The following CD2AP variants were observed in gnomAD, a reference collection of about 807,000 sequenced individuals.
CD2AP encodes the protein CD2-associated protein.
Under a neutral mutation model 85.1 loss-of-function variants are expected in CD2AP, and 46 were observed. The observed-to-expected ratio is 0.54, with a 90% CI of 0.43 to 0.69. The LOEUF (loss-of-function observed/expected upper bound fraction) is 0.69. Among genes scored for constraint, CD2AP ranks in the 30% least tolerant of loss-of-function variants. CD2AP has a pLI of 0.00. For missense variants in CD2AP, 769 were observed against 729.5 expected (o/e 1.05, Z -0.62); for synonymous variants, 255 against 252.9 (o/e 1.01, Z -0.08).
At chr6:47,567,192 C>G (rs1288565593) in intron 5 of CD2AP, among the ~76,000 whole-genome samples, 1 of 150,484 alleles carries the variant, frequency 6.6e-6, no homozygotes, top group Non-Finnish European at 1.5e-5. Context: ...ATCTAATTTT[C>G]TTTTAGGTAT....
chr6:47,552,990 A>AT (rs35305333), intron 4 of CD2AP, among the ~76,000 whole-genome samples: 40,073 of 148,208 alleles, frequency 0.27, 5,450 homozygotes, highest in African/African-American at 0.33. Context: ...GGGGGGGAGC[A>AT]TTTTTTTTTT....
intron 5 of CD2AP, among the ~76,000 whole-genome samples, chr6:47,566,588 C>T (rs185841066): frequency 7.9e-5 from 12 of 152,036 alleles, no homozygotes; most frequent in Admixed American, 4.6e-4. Context: ...CTGCACCTAT[C>T]GACCCATCCT....
chr6:47,560,293 A>G (rs1474524812), intron 5 of CD2AP, among the ~76,000 whole-genome samples: 1 of 152,164 alleles, frequency 6.6e-6, no homozygotes, highest in East Asian at 1.9e-4. Flanking sequence ...TTATGTAACT[A>G]CAGTACAGTT....
intron 5 of CD2AP, among the ~76,000 whole-genome samples, chr6:47,566,459 A>C (rs1768006706): frequency 6.6e-6 from 1 of 151,848 alleles, no homozygotes; most frequent in African/African-American, 2.4e-5. Flanking sequence ...CACTTTTGTC[A>C]AGTGAAATCC....
At chr6:47,516,159 CAGT>C (rs1394513434) in intron 2 of CD2AP, among the ~76,000 whole-genome samples, 1 of 152,156 alleles carries the variant, frequency 6.6e-6, no homozygotes, top group East Asian at 1.9e-4. Context: ...ATCAAAATCT[CAGT>C]GGTGGCGTAG....
chr6:47,572,994 TGTTTCTGGATTTTTACTCTA>T (rs1164215504), intron 5 of CD2AP, among the ~76,000 whole-genome samples: 2 of 152,216 alleles, frequency 1.3e-5, no homozygotes, highest in African/African-American at 4.8e-5. Context: ...CGGTCTTAAA[TGTTTCTGGATTTTTACTCTA>T]GAACTTTGTT....
intron 4 of CD2AP, among the ~76,000 whole-genome samples, chr6:47,553,513 AT>A (rs148273065): frequency 0.16 from 17,853 of 109,860 alleles, 679 homozygotes; most frequent in African/African-American, 0.22. Context: ...CACCTAGTGA[AT>A]TTTTTTTTTT....
chr6:47,579,074 G>A (rs1002097482), intron 8 of CD2AP, among the ~76,000 whole-genome samples: 6 of 152,132 alleles, frequency 3.9e-5, no homozygotes, highest in Admixed American at 6.6e-5. Context: ...AAAGTAATAC[G>A]TGGGAAATAT....
chr6:47,556,137 G>C (rs546552127), intron 5 of CD2AP, among the ~76,000 whole-genome samples: 50 of 148,430 alleles, frequency 3.4e-4, no homozygotes, highest in Non-Finnish European at 6.2e-4. Context: ...GTATACATGT[G>C]CCATGGTGGT....
intron 3 of CD2AP, among the ~76,000 whole-genome samples, chr6:47,540,834 A>G (rs1767195562): frequency 1.3e-5 from 2 of 152,232 alleles, no homozygotes; most frequent in South Asian, 2.1e-4. Flanking sequence ...AGCACCTTGA[A>G]CAAAATAGAC....
Position 47,606,289 on chromosome 6 carries a change from T to G in CD2AP, c.1530+12T>G, listed in dbSNP as rs201842906. On this transcript the variant is annotated intron_variant, in intron 14 of 17. Transcript: ENST00000359314. ...ATGGTGGACATTCTGTGAGTTCATCTAATTGTCGTAAACTACAGTATATTT... is the reference window on the plus strand; with the variant it reads ...ATGGTGGACATTCTGTGAGTTCATCGAATTGTCGTAAACTACAGTATATTT... 1,998 of 1,418,596 alleles carry G rather than the reference T, an allele frequency of 1.4e-3. 2 individuals carry two copies. Among genetic ancestry groups the G allele is most frequent in the South Asian group, 2.2e-3 (194 of 87,224 alleles). The allele number at this position is 1,418,596 out of a possible 1,614,324, so 87.9% of individuals were successfully genotyped here.
intron 4 of CD2AP, among the ~76,000 whole-genome samples, chr6:47,545,311 G>T (rs1324050428): frequency 6.6e-6 from 1 of 152,052 alleles, no homozygotes. Context: ...GCTCCAGTAG[G>T]ACCTGGGAGA....
intron 13 of CD2AP, among the ~76,000 whole-genome samples, chr6:47,602,619 C>T (rs890451760): frequency 2.0e-5 from 3 of 151,556 alleles, no homozygotes; most frequent in Admixed American, 2.0e-4. Context: ...GTGATCACAG[C>T]ACTTTAGGAG....
In CD2AP at chr6:47,503,343, G is replaced by C. The variant is rs1766047123; in HGVS notation, c.68G>C (p.Gly23Ala). 1 of 1,613,696 alleles carries C rather than the reference G, an allele frequency of 6.2e-7. No individual in the cohort carries two copies. The highest frequency in any genetic ancestry group is 1.3e-5 in the African/African-American group (1 of 75,014). The change falls in exon 2 of 18, where the codon GGA (glycine) becomes GCA (alanine). Residue 23 changes from glycine (G) to alanine (A), a missense_variant. Coordinates refer to ENST00000359314, the MANE Select transcript of CD2AP (RefSeq NM_012120.3). ...GATGATGAATTAACTATTCGAGTTG[G>C]AGAAATCATCAGGAATGTGAAAAAG... ...VHDDELTIRV[G>A]EIIRNVKKLQ...
intron 1 of CD2AP, among the ~76,000 whole-genome samples, chr6:47,478,517 CG>C (rs564720500): frequency 7.0e-4 from 103 of 146,632 alleles, no homozygotes; most frequent in African/African-American, 2.4e-3. Context: ...GGATGGGGGG[CG>C]GGGGCGCCTG....
chr6:47,562,856 T>C (rs1482360097), intron 5 of CD2AP: 1 of 869,150 alleles, frequency 1.2e-6, no homozygotes, highest in South Asian at 1.3e-5. Context: ...CTAATGAAGG[T>C]TGATGACAAC....
At chr6:47,593,202 A>C (rs1768849195) in intron 11 of CD2AP, among the ~76,000 whole-genome samples, 1 of 152,162 alleles carries the variant, frequency 6.6e-6, no homozygotes, top group Admixed American at 6.6e-5. Context: ...TGTTCTTTTT[A>C]GACTATGTCA....
chr6:47,513,892 T>TGGC (rs1554169325), intron 2 of CD2AP, among the ~76,000 whole-genome samples: 1 of 141,838 alleles, frequency 7.1e-6, no homozygotes, highest in African/African-American at 2.6e-5. Context: ...AATTTTTTTT[T>TGGC]GGGGGGGGGG....
chr6:47,589,563 C>CATAT (rs1346907208), intron 11 of CD2AP, among the ~76,000 whole-genome samples: 28 of 46,652 alleles, frequency 6.0e-4, no homozygotes, highest in African/African-American at 1.7e-3. Flanking sequence ...CACACACACA[C>CATAT]ACATATATAT....
Sources: gnomAD v4.1 joint callset for allele counts (sites outside exome capture counted in the v4.1 genomes callset) on GRCh38, gnomAD v4.1.1 for gene constraint, MANE v1.5 for transcripts, NCBI Gene and HGNC (gene_info 2026-07-23, HGNC 2026-07-21) for gene names.